CDH4: variants seen among roughly 807,000 people sequenced by gnomAD.
CDH4 encodes cadherin-4.
CDH4 carries 33 observed loss-of-function variants against 86.0 expected under a neutral mutation model. The observed-to-expected ratio is 0.38, with a 90% CI of 0.29 to 0.51. The LOEUF (loss-of-function observed/expected upper bound fraction) is 0.51, where lower values mean the gene tolerates loss of function less well. Among genes scored for constraint, CDH4 ranks in the 20% least tolerant of loss-of-function variants. The pLI, the probability that CDH4 is intolerant of heterozygous loss-of-function variation, is 0.86. For synonymous variants in CDH4, 555 were observed against 549.4 expected, an observed-to-expected ratio of 1.01 and a Z score of -0.14; for missense variants, 1,114 against 1,307.4, an observed-to-expected ratio of 0.85 and a Z score of 2.28.
At chr20:61,476,275 G>A (rs558375520) in intron 2 of CDH4, among the ~76,000 whole-genome samples, 2 of 152,334 alleles carry the variant, frequency 1.3e-5, no homozygotes, top group East Asian at 3.9e-4. Context: ...TGGAAAGTGA[G>A]GAGGCATGCG....
chr20:61,662,150 C>T (rs146349259), intron 2 of CDH4, among the ~76,000 whole-genome samples: 28 of 152,282 alleles, frequency 1.8e-4, no homozygotes, highest in Admixed American at 3.9e-4. Context: ...CAACTGACCC[C>T]CCTAATCTGC....
intron 2 of CDH4, among the ~76,000 whole-genome samples, chr20:61,631,164 C>T (rs2086884024): frequency 6.6e-6 from 1 of 152,228 alleles, no homozygotes; most frequent in Non-Finnish European, 1.5e-5. Context: ...ACAGGGGAAG[C>T]ATAAGACAGC....
At chr20:61,341,787 A>G (rs950279981) in intron 2 of CDH4, among the ~76,000 whole-genome samples, 15 of 152,180 alleles carry the variant, frequency 9.9e-5, no homozygotes, top group African/African-American at 3.4e-4. Context: ...AGCACAGGGC[A>G]TCTTCAGAGT....
chr20:61,637,615 G>A (rs879748632), intron 2 of CDH4, among the ~76,000 whole-genome samples: 9 of 151,638 alleles, frequency 5.9e-5, no homozygotes, highest in East Asian at 1.9e-4. Context: ...TTACTTCTAC[G>A]TACTTTCTTC....
intron 2 of CDH4, among the ~76,000 whole-genome samples, chr20:61,287,302 C>G (rs1185043510): frequency 6.6e-6 from 1 of 152,104 alleles, no homozygotes; most frequent in Non-Finnish European, 1.5e-5. Flanking sequence ...ATCGAGAGAC[C>G]TGGTCTCTAC....
chr20:61,737,286 A>T (rs2088277126), intron 2 of CDH4, among the ~76,000 whole-genome samples: 1 of 152,148 alleles, frequency 6.6e-6, no homozygotes, highest in Non-Finnish European at 1.5e-5. Context: ...CTTGTCCAGA[A>T]CAGGAGGCCA....
intron 2 of CDH4, among the ~76,000 whole-genome samples, chr20:61,706,301 G>C (rs1600895162): frequency 6.6e-6 from 1 of 152,118 alleles, no homozygotes; most frequent in Non-Finnish European, 1.5e-5. Context: ...TACTAAAGGG[G>C]GCTTCAGAGG....
intron 2 of CDH4, among the ~76,000 whole-genome samples, chr20:61,472,241 T>C (rs777797923): frequency 1.7e-4 from 26 of 152,238 alleles, no homozygotes; most frequent in Admixed American, 6.5e-5. Context: ...ATTGACCGCT[T>C]TATCACCATG....
At chr20:61,348,319 T>C (rs1185939157) in intron 2 of CDH4, among the ~76,000 whole-genome samples, 3 of 152,316 alleles carry the variant, frequency 2.0e-5, no homozygotes, top group Admixed American at 6.5e-5. Context: ...ATGAGACTTA[T>C]TCGCTATCAC....
At chr20:61,870,661 G>A (rs553594216) in intron 6 of CDH4, among the ~76,000 whole-genome samples, 103 of 152,252 alleles carry the variant, frequency 6.8e-4, no homozygotes, top group Admixed American at 6.6e-3. Context: ...TGAGTGCTTC[G>A]GGAAGCTGGA....
chr20:61,416,021 T>C (rs1050168956), intron 2 of CDH4, among the ~76,000 whole-genome samples: 62 of 148,066 alleles, frequency 4.2e-4, no homozygotes, highest in African/African-American at 1.4e-3. Flanking sequence ...TTTTTTTTTT[T>C]TTTTCCCCGA....
At chr20:61,383,378 G>A (rs1380488674) in intron 2 of CDH4, among the ~76,000 whole-genome samples, 1 of 392 alleles carries the variant, frequency 2.6e-3, no homozygotes, top group Non-Finnish European at 4.9e-3. Context: ...AATATATATG[G>A]ATATATATGA....
At chr20:61,494,933 C>T (rs1192652226) in intron 2 of CDH4, among the ~76,000 whole-genome samples, 2 of 152,258 alleles carry the variant, frequency 1.3e-5, no homozygotes, top group African/African-American at 2.4e-5. Flanking sequence ...CACTCTTTGG[C>T]GTGGGCCCTC....
chr20:61,879,572 A>G lies in CDH4; in HGVS notation c.1050+5672A>G, dbSNP rs552169828. Among the ~76,000 whole-genome samples the G allele has an allele frequency of 6.6e-6, 1 of 152,170 alleles. No homozygotes were observed. The highest frequency in any genetic ancestry group is 6.5e-5 in the Admixed American group (1 of 15,272). ...AATTGAGCGCTTCTACTTGATTAAG[A>G]TGTCAGGAGAGGCTTCGATAAGACC... On this transcript the variant is annotated intron_variant, in intron 7 of 15. Coordinates refer to ENST00000614565, the MANE Select transcript of CDH4 (RefSeq NM_001794.5). The surrounding 1 kb of genome is among the most constrained non-coding windows in gnomAD (Gnocchi z 4.1).
In CDH4 at chr20:61,939,878, C is replaced by T. The variant is rs886274237; in HGVS notation, c.*2935C>T. On this transcript the variant is annotated 3_prime_UTR_variant, in exon 16 of 16. Transcript: ENST00000614565. ...CCAATTTCTGGCCCAGCAGGTTTCT[C>T]TTTGTAGTGTCTTTCAGCACATCCA... 4 of 152,394 alleles carry T rather than the reference C, an allele frequency of 2.6e-5. No homozygotes were observed. The highest frequency in any genetic ancestry group is 4.4e-5 in the Non-Finnish European group (3 of 68,068). 9.4% of individuals were successfully genotyped at this position (152,394 alleles called of 1,614,324 possible).
Position 61,392,928 on chromosome 20 carries a change from G to A in CDH4, c.169+137991G>A, listed in dbSNP as rs6061291. Among the ~76,000 whole-genome samples the A allele has an allele frequency of 4.5e-4, 69 of 152,214 alleles. No homozygotes were observed. The highest frequency in any genetic ancestry group is 1.6e-3 in the African/African-American group (68 of 41,510). ...AAGTCTCCCGATCAGGGAAGGAGGT[G>A]CAGATACTCACCCCGATACCCACCA... is the stretch of plus-strand genomic sequence containing the variant. On this transcript the variant is annotated intron_variant, in intron 2 of 15. Coordinates refer to ENST00000614565, the MANE Select transcript of CDH4 (RefSeq NM_001794.5). The surrounding 1 kb of genome is among the most constrained non-coding windows in gnomAD (Gnocchi z 5.7).
At chr20:61,744,812 C>A (rs554149378) in intron 3 of CDH4, among the ~76,000 whole-genome samples, 1 of 152,308 alleles carries the variant, frequency 6.6e-6, no homozygotes, top group Non-Finnish European at 1.5e-5. Flanking sequence ...ATCCCCAGTT[C>A]TAGCTGTTAG....
intron 3 of CDH4, among the ~76,000 whole-genome samples, chr20:61,769,105 C>T (rs1387344898): frequency 2.0e-5 from 3 of 152,190 alleles, no homozygotes; most frequent in Admixed American, 6.5e-5. Context: ...CCCTCGCCCT[C>T]ATCTGGGAGA....
rs1268481789 is a variant in CDH4 at position 61,829,898 on chromosome 20, G to A, written c.577-14770G>A. ...CCTAGCCTGCTGGGGTGGGAGGGAC[G>A]AGGCTCCTGCCCGGCCGGCCCTGGG... On this transcript the variant is annotated intron_variant, in intron 4 of 15. Coordinates refer to ENST00000614565, the MANE Select transcript of CDH4 (RefSeq NM_001794.5). This position sits in a 1 kb window ranked among gnomAD's most constrained non-coding sequence, Gnocchi z 4.2. Among the ~76,000 whole-genome samples, 6 of 152,128 alleles carry A rather than the reference G, an allele frequency of 3.9e-5. No individual in the cohort carries two copies. In the East Asian group the frequency reaches 7.8e-4, roughly 20 times the overall value.
Sources: allele counts gnomAD v4.1 joint callset (sites outside exome capture counted in the v4.1 genomes callset), GRCh38; gene constraint gnomAD v4.1.1; non-coding constraint Gnocchi (gnomAD v3.1); transcripts MANE v1.5; gene names NCBI Gene and HGNC (gene_info 2026-07-23, HGNC 2026-07-21).